The following PGLYRP3 variants were observed in gnomAD, a reference collection of about 807,000 sequenced individuals.
The protein encoded by PGLYRP3 is peptidoglycan recognition protein 3, also known as peptidoglycan recognition protein I alpha.
Under a neutral mutation model 36.0 loss-of-function variants are expected in PGLYRP3, and 39 were observed. The observed-to-expected ratio is 1.08, with a 90% CI of 0.84 to 1.41. The LOEUF (loss-of-function observed/expected upper bound fraction) is 1.41, where lower values mean the gene tolerates loss of function less well. Among genes scored for constraint, PGLYRP3 ranks in the 40% most tolerant of loss-of-function variants. The pLI is 0.00. For synonymous variants in PGLYRP3, 204 were observed against 172.8 expected (o/e 1.18, Z -1.42); for missense variants, 407 against 427.9 (o/e 0.95, Z 0.43).
intron 3 of PGLYRP3, among the ~76,000 whole-genome samples, chr1:153,306,209 T>C (rs926346265): frequency 2.0e-5 from 3 of 152,226 alleles, no homozygotes; most frequent in Admixed American, 2.0e-4. Flanking sequence ...AATAAATAAA[T>C]AAATAAATAA....
In PGLYRP3 at chr1:153,300,201, G is replaced by A. The variant is rs527624402; in HGVS notation, c.729-970C>T. On this transcript the variant is annotated intron_variant, in intron 6 of 7. Coordinates refer to ENST00000683862, the MANE Select transcript of PGLYRP3 (RefSeq NM_052891.3). The stretch of plus-strand genomic sequence containing the variant: ...ATTTGTAATGCTCTGTCTGAACCCC[G>A]GGCCCTGGCAAATACTGTTCCTCCT... Among the ~76,000 whole-genome samples the A allele has an allele frequency of 6.6e-5, 10 of 151,702 alleles. No homozygotes were observed. In the South Asian group the frequency reaches 1.9e-3, roughly 29 times the overall value.
rs200006086 is a variant in PGLYRP3 at position 153,298,151 on chromosome 1, C to T, written c.848-17G>A. The T allele has an allele frequency of 1.8e-4, 297 of 1,612,840 alleles. No individual in the cohort carries two copies. Among genetic ancestry groups the T allele is most frequent in the Non-Finnish European group, 2.4e-4 (287 of 1,179,318 alleles). ...GAGGCTTTTCTGCAAAACACATTTT[C>T]CCCATCAGTCATTAGGGGCTCAAAG... On this transcript the variant is annotated splice_polypyrimidine_tract_variant and intron_variant, in intron 7 of 7. Coordinates refer to ENST00000683862, the MANE Select transcript of PGLYRP3 (RefSeq NM_052891.3).
rs533756148 is a variant in PGLYRP3 at position 153,310,243 on chromosome 1, C to T, written c.55+368G>A. On this transcript the variant is annotated intron_variant, in intron 2 of 7. Transcript: ENST00000683862. ...GGTTTAACTATGACTGGTATAATAA[C>T]GATGGTGACAATAATTAAATCATAG... is the stretch of plus-strand genomic sequence containing the variant. 7.9e-5 allele frequency among the ~76,000 whole-genome samples: 12 copies of T among 152,248 alleles called. No homozygotes were observed. In the South Asian group the frequency reaches 1.0e-3, roughly 13 times the overall value.
chr1:153,297,860 G>T lies in PGLYRP3; in HGVS notation c.*96C>A. The stretch of plus-strand genomic sequence containing the variant: ...ACCTGAGAAAGGATGGGCTGGCAGG[G>T]GAGGGGGACACAAGGTGCTGAGCCA... On this transcript the variant is annotated 3_prime_UTR_variant, in exon 8 of 8. Transcript: ENST00000683862. 1.5e-6 allele frequency: 2 copies of T among 1,358,282 alleles called. No individual in the cohort carries two copies. The highest frequency in any genetic ancestry group is 4.6e-5 in the East Asian group (2 of 43,142). The allele number at this position is 1,358,282 out of a possible 1,614,324, so 84.1% of individuals were successfully genotyped here. A position where few individuals can be genotyped will look rare whatever the true frequency, so the allele number is the denominator to read the frequency against.
rs1557805087 is a variant in PGLYRP3 at position 153,297,449 on chromosome 1, GGGGAGAGAGA to G, written c.*497_*506del. ...GCTCACCAGGCAGAGGCGGGGAGAG[GGGGAGAGAGA>G]GAGAGAGAGAGAGAGAGTGAGAAAG... On this transcript the variant is annotated 3_prime_UTR_variant, in exon 8 of 8. Transcript: ENST00000683862. Among the ~76,000 whole-genome samples the G allele has an allele frequency of 3.5e-5, 4 of 113,330 alleles. No homozygotes were observed. Among genetic ancestry groups the G allele is most frequent in the African/African-American group, 1.1e-4 (3 of 26,922 alleles). The allele number at this position is 113,330 out of a possible 152,430, so 74.3% of individuals were successfully genotyped here. A position where few individuals can be genotyped will look rare whatever the true frequency, so the allele number is the denominator to read the frequency against.
At chr1:153,307,351 G>C (rs942873395) in intron 2 of PGLYRP3, 84 bp from the exon 3 acceptor site, 4 of 1,355,394 alleles carry the variant, frequency 3.0e-6, no homozygotes, top group Non-Finnish European at 4.1e-6. Context: ...GACCTCTCAT[G>C]CTCAGGCCCG....
Position 153,297,550 on chromosome 1 carries a change from G to GAAAGAAAAAGAAA in PGLYRP3, c.*405_*406insTTTCTTTTTCTTT. On this transcript the variant is annotated 3_prime_UTR_variant, in exon 8 of 8. Coordinates refer to ENST00000683862, the MANE Select transcript of PGLYRP3 (RefSeq NM_052891.3). The stretch of plus-strand genomic sequence containing the variant: ...AGGAAGGAAGGAAGGAAGGAAGGAA[G>GAAAGAAAAAGAAA]GAAAGAAAGAAAAAGAAAGAAAGAA... Among the ~76,000 whole-genome samples the GAAAGAAAAAGAAA allele has an allele frequency of 1.1e-5, 1 of 91,020 alleles. No individual in the cohort carries two copies. The highest frequency in any genetic ancestry group is 2.4e-5 in the Non-Finnish European group (1 of 41,900). The allele number at this position is 91,020 out of a possible 152,430, so 59.7% of individuals were successfully genotyped here. A position where few individuals can be genotyped will look rare whatever the true frequency, so the allele number is the denominator to read the frequency against.
rs745765070 is a variant in PGLYRP3, at chr1:153,297,542, GGAAGGAAGGAAA to G, written c.*402_*413del. ...AGGAAGGAAGGAAGGAAGGAAGGAA[GGAAGGAAGGAAA>G]GAAAGAAAAAGAAAGAAAGAAAGAA... On this transcript the variant is annotated 3_prime_UTR_variant, in exon 8 of 8. Transcript: ENST00000683862. Among the ~76,000 whole-genome samples, 1,958 of 89,514 alleles carry G rather than the reference GGAAGGAAGGAAA, an allele frequency of 0.022. 103 individuals carry two copies. Among genetic ancestry groups the G allele is most frequent in the Non-Finnish European group, 0.027 (1,141 of 42,018 alleles). The allele number at this position is 89,514 out of a possible 152,430, so 58.7% of individuals were successfully genotyped here. A position where few individuals can be genotyped will look rare whatever the true frequency, so the allele number is the denominator to read the frequency against.
At chr1:153,305,993 C>T (rs1659730164) in intron 3 of PGLYRP3, among the ~76,000 whole-genome samples, 1 of 152,160 alleles carries the variant, frequency 6.6e-6, no homozygotes, top group Non-Finnish European at 1.5e-5. Context: ...GATGCAGAGG[C>T]TGAAATAACT....
At position 153,297,581 on chromosome 1, in the gene PGLYRP3, G is replaced by GAAGAAAGA. The variant is rs202027575; in HGVS notation, c.*367_*374dup. Among the ~76,000 whole-genome samples the GAAGAAAGA allele has an allele frequency of 3.9e-4, 19 of 48,470 alleles. 1 individual carries two copies. Among genetic ancestry groups the GAAGAAAGA allele is most frequent in the East Asian group, 1.7e-3 (6 of 3,518 alleles). 31.8% of individuals were successfully genotyped at this position (48,470 alleles called of 152,430 possible). On this transcript the variant is annotated 3_prime_UTR_variant, in exon 8 of 8. Coordinates refer to ENST00000683862, the MANE Select transcript of PGLYRP3 (RefSeq NM_052891.3). The stretch of plus-strand genomic sequence containing the variant: ...AAAGAAAAAGAAAGAAAGAAAGAAA[G>GAAGAAAGA]AAGAAAGAAAGAAAGAAAGAAAGAG...
intron 6 of PGLYRP3, 39 bp downstream of exon 6, chr1:153,302,370 G>T: frequency 6.2e-7 from 1 of 1,600,420 alleles, no homozygotes. Context: ...CTACAATCCT[G>T]AAGAAAAAGA....
At chr1:153,309,051 T>C (rs1659831472) in intron 2 of PGLYRP3, among the ~76,000 whole-genome samples, 1 of 152,216 alleles carries the variant, frequency 6.6e-6, no homozygotes, top group African/African-American at 2.4e-5. Flanking sequence ...AACAGAAATA[T>C]ACAGATTATT....
At position 153,304,925 on chromosome 1, in the gene PGLYRP3, G is replaced by A. The variant is rs941373769; in HGVS notation, c.376+22C>T. 6 of 1,586,506 alleles carry A rather than the reference G, an allele frequency of 3.8e-6. No individual in the cohort carries two copies. In the Admixed American group the frequency reaches 1.0e-4, roughly 27 times the overall value. Reference sequence around the variant, plus strand: ...AGTGTACACAACTCTCCAGCACAGGGTCCGCAGGGAGTGACCCTTACCTAT... The same window carrying A: ...AGTGTACACAACTCTCCAGCACAGGATCCGCAGGGAGTGACCCTTACCTAT... On this transcript the variant is annotated intron_variant, in intron 4 of 7. Transcript: ENST00000683862.
Position 153,304,022 on chromosome 1 carries a change from G to T in PGLYRP3, c.377-13C>A. 3.1e-6 allele frequency: 5 copies of T among 1,602,046 alleles called. No homozygotes were observed. Among genetic ancestry groups the T allele is most frequent in the East Asian group, 2.2e-5 (1 of 44,666 alleles). On this transcript the variant is annotated splice_polypyrimidine_tract_variant and intron_variant, in intron 4 of 7. Transcript: ENST00000683862. ...CTGGGACTGCTGCCTTAAAGAGGAG[G>T]ACAGGGAGCACAAAAATGTCAGTAA... is the stretch of plus-strand genomic sequence containing the variant.
chr1:153,311,532 G>A (rs1370538702), intron 1 of PGLYRP3, among the ~76,000 whole-genome samples: 1 of 152,118 alleles, frequency 6.6e-6, no homozygotes, highest in African/African-American at 2.4e-5. Context: ...CTCAATGTGG[G>A]CCCAAGAGGT....
chr1:153,305,823 AC>A (rs1250488670), intron 3 of PGLYRP3, among the ~76,000 whole-genome samples: 2 of 152,222 alleles, frequency 1.3e-5, no homozygotes, highest in South Asian at 4.1e-4. Flanking sequence ...TGGTGTGTCC[AC>A]CCCTTCCCTG....
chr1:153,307,855 C>T (rs1265069824), intron 2 of PGLYRP3, among the ~76,000 whole-genome samples: 3 of 152,260 alleles, frequency 2.0e-5, no homozygotes, highest in East Asian at 3.9e-4. Flanking sequence ...CCACCTGCCG[C>T]GTCAGGCTAC....
intron 7 of PGLYRP3, 60 bp downstream of exon 7, chr1:153,299,053 C>T: frequency 7.1e-7 from 1 of 1,410,254 alleles, no homozygotes; most frequent in African/African-American, 1.4e-5. Flanking sequence ...CCATGCTTCC[C>T]AGACATGCTG....
intron 1 of PGLYRP3, among the ~76,000 whole-genome samples, chr1:153,311,016 A>G (rs821422): frequency 0.93 from 140,753 of 152,148 alleles, 65,181 homozygotes; most frequent in African/African-American, 0.97. Flanking sequence ...TAAAATCCTC[A>G]AGGTAGCTGT....
Sources: gnomAD v4.1 joint callset for allele counts (sites outside exome capture counted in the v4.1 genomes callset) on GRCh38, gnomAD v4.1.1 for gene constraint, MANE v1.5 for transcripts, NCBI Gene and HGNC (gene_info 2026-07-23, HGNC 2026-07-21) for gene names.